The following SGCE variants were observed in gnomAD, a reference collection of about 807,000 sequenced individuals.
SGCE encodes sarcoglycan epsilon.
A neutral mutation model predicts 57.8 loss-of-function variants in SGCE; 26 were observed. The ratio of observed to expected loss-of-function variants is 0.45; its 90% CI spans 0.33 to 0.62. The LOEUF (loss-of-function observed/expected upper bound fraction) is 0.62. SGCE is among the 20% of genes least tolerant of loss of function. SGCE has a pLI of 0.02. For synonymous variants in SGCE, 183 were observed against 189.5 expected, an observed-to-expected ratio of 0.97 and a Z score of 0.28; for missense variants, 468 against 548.6, an observed-to-expected ratio of 0.85 and a Z score of 1.47.
chr7:94,624,773 A>G (rs965277342), intron 3 of SGCE: 13 of 152,074 alleles, frequency 8.5e-5, no homozygotes, highest in African/African-American at 2.9e-4. Context: ...CTTAGAAAAA[A>G]AATAGATTTT....
chr7:94,617,925 G>A (rs1802177540), intron 5 of SGCE: 1 of 152,150 alleles, frequency 6.6e-6, no homozygotes, highest in Non-Finnish European at 1.5e-5. Context: ...GATTATGGGC[G>A]AAGAAGTTGA....
chr7:94,601,474 A>AAAAAAAAAT (rs1186114883), intron 6 of SGCE, among the ~76,000 whole-genome samples: 1 of 145,152 alleles, frequency 6.9e-6, no homozygotes, highest in African/African-American at 2.5e-5. Flanking sequence ...AAAAAAAAAA[A>AAAAAAAAAT]AACTACAACA....
intron 1 of SGCE, among the ~76,000 whole-genome samples, chr7:94,633,928 C>G (rs1317373728): frequency 6.6e-6 from 1 of 152,114 alleles, no homozygotes. Flanking sequence ...AGAACACTTG[C>G]CAGTTCTTTT....
intron 1 of SGCE, among the ~76,000 whole-genome samples, chr7:94,631,949 C>T (rs1030708472): frequency 5.9e-5 from 9 of 151,912 alleles, no homozygotes; most frequent in African/African-American, 1.9e-4. Context: ...ATTTACCTTG[C>T]TATTTTCTCG....
At chr7:94,612,787 C>T (rs1801255442) in intron 5 of SGCE, among the ~76,000 whole-genome samples, 1 of 152,166 alleles carries the variant, frequency 6.6e-6, no homozygotes, top group Non-Finnish European at 1.5e-5. Flanking sequence ...CCACCTCCAC[C>T]TGTTCCTCCT....
At chr7:94,653,637 T>A (rs1808188233) in intron 1 of SGCE, among the ~76,000 whole-genome samples, 1 of 152,084 alleles carries the variant, frequency 6.6e-6, no homozygotes, top group Non-Finnish European at 1.5e-5. Flanking sequence ...CTTTCTGTTT[T>A]ATTTTTAGTA....
At chr7:94,588,292 G>A in intron 10 of SGCE, 1 of 1,067,510 alleles carries the variant, frequency 9.4e-7, no homozygotes, top group Non-Finnish European at 1.1e-6. Context: ...TCAGTGATTA[G>A]TCACAATGGT....
intron 3 of SGCE, 74 bp from the exon 4 acceptor site, chr7:94,623,471 G>GA: frequency 1.1e-6 from 1 of 938,574 alleles, no homozygotes; most frequent in Non-Finnish European, 1.7e-6. Context: ...GGATTAAAAT[G>GA]AAAACAAATT....
intron 2 of SGCE, chr7:94,628,698 T>G: frequency 3.9e-6 from 1 of 259,236 alleles, no homozygotes; most frequent in South Asian, 5.1e-5. Context: ...TACTCATTCT[T>G]TTGCGAAATA....
intron 9 of SGCE, among the ~76,000 whole-genome samples, chr7:94,593,181 A>T (rs975723520): frequency 6.6e-6 from 1 of 152,148 alleles, no homozygotes; most frequent in Non-Finnish European, 1.5e-5. Flanking sequence ...CAATTAGAAG[A>T]CTTAATTCTA....
At chr7:94,615,364 AAATAG>A (rs1801732596) in intron 5 of SGCE, among the ~76,000 whole-genome samples, 1 of 122,662 alleles carries the variant, frequency 8.2e-6, no homozygotes, top group Non-Finnish European at 1.7e-5. Context: ...GTCTCAAAAT[AAATAG>A]ATAGATAGAT....
At chr7:94,637,943 G>A (rs963149329) in intron 1 of SGCE, among the ~76,000 whole-genome samples, 3 of 152,098 alleles carry the variant, frequency 2.0e-5, no homozygotes, top group African/African-American at 7.2e-5. Context: ...AGGACACCGG[G>A]GACCCATAAC....
At chr7:94,587,251 C>T in intron 10 of SGCE, 3 of 985,666 alleles carry the variant, frequency 3.0e-6, no homozygotes, top group Non-Finnish European at 3.6e-6. Flanking sequence ...GCTAAAAAAT[C>T]TATGTGACTA....
intron 5 of SGCE, among the ~76,000 whole-genome samples, chr7:94,614,868 A>G (rs1201575774): frequency 6.6e-6 from 1 of 152,230 alleles, no homozygotes; most frequent in Non-Finnish European, 1.5e-5. Context: ...ACATTAAACT[A>G]TGAAAGAAAA....
rs1802319616 is a variant in SGCE at position 94,618,764 on chromosome 7, T to A, written c.656A>T (p.Lys219Met). Residue 219 changes from lysine to methionine, a missense_variant, in exon 5 of 11, where the codon AAG (lysine) becomes ATG (methionine). Physicochemically the swap from Lys to Met is moderately conservative, Grantham distance 95. Transcript: ENST00000648936. ...GAGATAAAGATCTGCTTACCCCTCC[T>A]TCAGGTCATTAATGGGAAGTGGCAC... ...GRVPLPINDLKEGVYVMVGAD... is the reference protein window; with the variant it reads ...GRVPLPINDLMEGVYVMVGAD... 1.9e-6 allele frequency: 3 copies of A among 1,613,236 alleles called. No individual in the cohort carries two copies. The highest frequency in any genetic ancestry group is 1.3e-5 in the African/African-American group (1 of 74,908).
chr7:94,603,503 T>TA, intron 5 of SGCE, 51 bp from the exon 6 acceptor site: 1 of 1,536,014 alleles, frequency 6.5e-7, no homozygotes, highest in Non-Finnish European at 9.0e-7. Flanking sequence ...TTGAAAACAC[T>TA]AAAAAACAAT....
intron 1 of SGCE, among the ~76,000 whole-genome samples, chr7:94,648,726 T>C (rs377568987): frequency 7.9e-5 from 12 of 152,238 alleles, no homozygotes; most frequent in Non-Finnish European, 1.6e-4. Context: ...GTCATTTTAC[T>C]GCACAGCAAG....
chr7:94,590,279 TAA>T (rs1025708682), intron 9 of SGCE, among the ~76,000 whole-genome samples: 1 of 152,094 alleles, frequency 6.6e-6, no homozygotes, highest in Admixed American at 6.6e-5. Flanking sequence ...TATTTTTAAT[TAA>T]AAAAATCTCA....
chr7:94,643,043 G>T (rs1806614440), intron 1 of SGCE, among the ~76,000 whole-genome samples: 1 of 152,200 alleles, frequency 6.6e-6, no homozygotes, highest in African/African-American at 2.4e-5. Flanking sequence ...AAAGAATGGG[G>T]TGAGTGCCCA....
Sources: allele counts gnomAD v4.1 joint callset (sites outside exome capture counted in the v4.1 genomes callset), GRCh38; gene constraint gnomAD v4.1.1; transcripts MANE v1.5; gene names NCBI Gene and HGNC (gene_info 2026-07-23, HGNC 2026-07-21).